The following CAMK1D variants were observed in gnomAD, a reference collection of about 807,000 sequenced individuals.
The protein encoded by CAMK1D is calcium/calmodulin-dependent protein kinase type 1D.
CAMK1D carries 9 observed loss-of-function variants against 47.7 expected under a neutral mutation model. The ratio of observed to expected loss-of-function variants is 0.19; its 90% CI spans 0.11 to 0.33. The LOEUF (loss-of-function observed/expected upper bound fraction) is 0.33, where lower values mean the gene tolerates loss of function less well. Among genes scored for constraint, CAMK1D ranks in the 10% least tolerant of loss-of-function variants. CAMK1D has a pLI of 1.00. For missense variants in CAMK1D, 291 were observed against 488.7 expected (o/e 0.60, Z 3.81); for synonymous variants, 184 against 184.9 (o/e 0.99, Z 0.04).
chr10:12,370,066 C>A (rs1471043559), intron 1 of CAMK1D, among the ~76,000 whole-genome samples: 1 of 151,852 alleles, frequency 6.6e-6, no homozygotes, highest in African/African-American at 2.4e-5. Context: ...GTGTTACATA[C>A]TGTGGCAAGT....
intron 2 of CAMK1D, among the ~76,000 whole-genome samples, chr10:12,585,026 G>T (rs917140480): frequency 6.6e-6 from 1 of 152,180 alleles, no homozygotes; most frequent in East Asian, 1.9e-4. Context: ...GGACTGCTGG[G>T]CAGCTAGGTT....
At chr10:12,694,355 TGTTA>T (rs1833143577) in intron 3 of CAMK1D, among the ~76,000 whole-genome samples, 2 of 75,282 alleles carry the variant, frequency 2.7e-5, no homozygotes, top group African/African-American at 5.3e-5. Flanking sequence ...AACATATATA[TGTTA>T]TATGTTATAT....
intron 1 of CAMK1D, among the ~76,000 whole-genome samples, chr10:12,379,666 T>C (rs1838283566): frequency 6.6e-6 from 1 of 152,006 alleles, no homozygotes; most frequent in South Asian, 2.1e-4. Flanking sequence ...GGTAGGAGAA[T>C]TGCTTGAACC....
At chr10:12,593,336 TCC>T (rs1407497976) in intron 2 of CAMK1D, among the ~76,000 whole-genome samples, 2 of 152,194 alleles carry the variant, frequency 1.3e-5, no homozygotes, top group Non-Finnish European at 2.9e-5. Context: ...ATGCCTGTAA[TCC>T]CAGCACTTCG....
At chr10:12,770,337 C>T (rs185438246) in intron 5 of CAMK1D, among the ~76,000 whole-genome samples, 2 of 152,346 alleles carry the variant, frequency 1.3e-5, no homozygotes, top group African/African-American at 4.8e-5. Flanking sequence ...TTGTACTAAA[C>T]ATCCAAAATG....
At chr10:12,554,329 T>G (rs1588627124) in intron 2 of CAMK1D, among the ~76,000 whole-genome samples, 1 of 130,388 alleles carries the variant, frequency 7.7e-6, no homozygotes, top group Admixed American at 7.6e-5. Flanking sequence ...CTAATTTTTG[T>G]ATTTTTGTAG....
intron 3 of CAMK1D, among the ~76,000 whole-genome samples, chr10:12,668,031 G>C (rs1004098326): frequency 9.2e-5 from 14 of 152,198 alleles, no homozygotes; most frequent in Admixed American, 8.5e-4. Context: ...CATGGTATAA[G>C]TCAAAGAAGT....
intron 3 of CAMK1D, among the ~76,000 whole-genome samples, chr10:12,736,796 T>C (rs1359608698): frequency 1.3e-5 from 2 of 152,170 alleles, no homozygotes; most frequent in Non-Finnish European, 1.5e-5. Context: ...CTCCTTTGGT[T>C]GCCAGTGAGA....
chr10:12,738,629 G>A (rs866988206), intron 3 of CAMK1D, among the ~76,000 whole-genome samples: 10 of 151,560 alleles, frequency 6.6e-5, no homozygotes, highest in Admixed American at 4.0e-4. Flanking sequence ...TCAGGAGATC[G>A]AGACCATCCT....
chr10:12,542,451 C>T (rs899234645), intron 1 of CAMK1D, among the ~76,000 whole-genome samples: 1 of 152,202 alleles, frequency 6.6e-6, no homozygotes, highest in African/African-American at 2.4e-5. Context: ...TAGGGCAGGT[C>T]ATTTCAGCAC....
chr10:12,770,407 G>A lies in CAMK1D; in HGVS notation c.565+608G>A, dbSNP rs11257983. Among the ~76,000 whole-genome samples, 3 of 150,794 alleles carry A rather than the reference G, an allele frequency of 2.0e-5. No individual in the cohort carries two copies. In the East Asian group the frequency reaches 5.8e-4, roughly 29 times the overall value. ...TTCTGATGTTCATCTTTTGACTTCC[G>A]GGGTCCTGGAGAAACACCATTAGAA... On this transcript the variant is annotated intron_variant, in intron 5 of 10. Coordinates refer to ENST00000619168, the MANE Select transcript of CAMK1D (RefSeq NM_153498.4).
intron 3 of CAMK1D, among the ~76,000 whole-genome samples, chr10:12,740,159 T>C (rs1835367435): frequency 6.6e-6 from 1 of 152,196 alleles, no homozygotes. Context: ...TGCTCTCCGT[T>C]TATGCAGCCC....
Position 12,408,509 on chromosome 10 carries a change from A to G in CAMK1D, c.92+58599A>G, listed in dbSNP as rs535380060. Among the ~76,000 whole-genome samples the G allele has an allele frequency of 3.9e-5, 6 of 152,348 alleles. No individual in the cohort carries two copies. In the South Asian group the frequency reaches 6.2e-4, roughly 16 times the overall value. On this transcript the variant is annotated intron_variant, in intron 1 of 10. Transcript: ENST00000619168. ...TTTTCAATGTTGTGTTTGAGACACC[A>G]CAACTATGATTCTGCAAGGCACAGT... is the stretch of plus-strand genomic sequence containing the variant.
intron 3 of CAMK1D, among the ~76,000 whole-genome samples, chr10:12,734,399 T>A (rs59222270): frequency 1.6e-5 from 1 of 63,356 alleles, no homozygotes; most frequent in Admixed American, 2.0e-4. Flanking sequence ...TAGATATATA[T>A]ATATATACAC....
chr10:12,660,446 G>T (rs969303564), intron 2 of CAMK1D, among the ~76,000 whole-genome samples: 1 of 152,122 alleles, frequency 6.6e-6, no homozygotes, highest in Non-Finnish European at 1.5e-5. Context: ...TTGTAACGGG[G>T]CCTGTTTGTA....
At chr10:12,411,985 G>A (rs982875641) in intron 1 of CAMK1D, among the ~76,000 whole-genome samples, 2 of 152,190 alleles carry the variant, frequency 1.3e-5, no homozygotes, top group Non-Finnish European at 2.9e-5. Flanking sequence ...TAGAACATCC[G>A]CTGATGTCTT....
intron 3 of CAMK1D, among the ~76,000 whole-genome samples, chr10:12,722,863 A>G (rs569439574): frequency 6.6e-6 from 1 of 152,336 alleles, no homozygotes; most frequent in African/African-American, 2.4e-5. Context: ...AGAAGAGAGT[A>G]AAGAGTCAGG....
At chr10:12,557,022 G>T (rs77108176) in intron 2 of CAMK1D, among the ~76,000 whole-genome samples, 1 of 152,132 alleles carries the variant, frequency 6.6e-6, no homozygotes, top group Admixed American at 6.5e-5. Flanking sequence ...GGAGGGAGAC[G>T]GAGGATTCCA....
chr10:12,654,613 C>T (rs544051243), intron 2 of CAMK1D, among the ~76,000 whole-genome samples: 1 of 152,256 alleles, frequency 6.6e-6, no homozygotes, highest in East Asian at 1.9e-4. Flanking sequence ...TACTATTATA[C>T]TTGCTAAGAA....
Sources: allele counts gnomAD v4.1 joint callset (sites outside exome capture counted in the v4.1 genomes callset), GRCh38; gene constraint gnomAD v4.1.1; transcripts MANE v1.5; gene names NCBI Gene and HGNC (gene_info 2026-07-23, HGNC 2026-07-21).